ZBTB8A: variants seen among roughly 807,000 people sequenced by gnomAD.
ZBTB8A encodes zinc finger and BTB domain containing 8A, also known as zinc finger and BTB domain-containing protein 8A.
A neutral mutation model predicts 37.8 loss-of-function variants in ZBTB8A; 19 were observed. That is an observed-to-expected ratio of 0.50 (90% CI 0.35 to 0.74). The LOEUF (loss-of-function observed/expected upper bound fraction) is 0.74, where lower values mean the gene tolerates loss of function less well. ZBTB8A is among the 30% of genes least tolerant of loss of function. The pLI is 0.01. For missense variants in ZBTB8A, 394 were observed against 537.8 expected, an observed-to-expected ratio of 0.73 and a Z score of 2.65; for synonymous variants, 181 against 185.2, an observed-to-expected ratio of 0.98 and a Z score of 0.19.
chr1:32,595,850 G>A (rs1037236829), intron 4 of ZBTB8A, among the ~76,000 whole-genome samples: 1 of 151,706 alleles, frequency 6.6e-6, no homozygotes, highest in African/African-American at 2.4e-5. Flanking sequence ...TAGAGATGGG[G>A]TTTCATCATG....
chr1:32,558,004 A>C (rs1395660397), intron 2 of ZBTB8A, among the ~76,000 whole-genome samples: 1 of 152,174 alleles, frequency 6.6e-6, no homozygotes, highest in African/African-American at 2.4e-5. Context: ...TGATGTTTAC[A>C]TATTTCATCA....
intron 2 of ZBTB8A, among the ~76,000 whole-genome samples, chr1:32,572,692 C>T (rs374239394): frequency 8.5e-5 from 13 of 152,124 alleles, no homozygotes; most frequent in South Asian, 6.2e-4. Context: ...CCACTATGCC[C>T]GGCCTCTTAT....
At chr1:32,581,298 A>T (rs370149920) in intron 2 of ZBTB8A, among the ~76,000 whole-genome samples, 1 of 115,500 alleles carries the variant, frequency 8.7e-6, no homozygotes, top group African/African-American at 3.3e-5. Flanking sequence ...ATATTTATAT[A>T]TTATATAATA....
intron 4 of ZBTB8A, among the ~76,000 whole-genome samples, chr1:32,597,120 T>C (rs1324014923): frequency 6.6e-6 from 1 of 151,990 alleles, no homozygotes; most frequent in African/African-American, 2.4e-5. Context: ...AATTCTCCTG[T>C]CTCAGCCTCC....
chr1:32,601,844 T>C lies in ZBTB8A; in HGVS notation c.*1425T>C, dbSNP rs1380924965. 3.5e-5 allele frequency: 14 copies of C among 395,888 alleles called. No individual in the cohort carries two copies. Among genetic ancestry groups the C allele is most frequent in the Non-Finnish European group, 3.6e-5 (8 of 225,096 alleles). 24.5% of individuals were successfully genotyped at this position (395,888 alleles called of 1,614,324 possible). On this transcript the variant is annotated 3_prime_UTR_variant, in exon 5 of 5. Coordinates refer to ENST00000373510, the MANE Select transcript of ZBTB8A (RefSeq NM_001040441.3). ...AACATACAATATCTTGATCTAGAGATTTTCAAATAATGCTAAGTAATGTCC... is the reference window on the plus strand; with the variant it reads ...AACATACAATATCTTGATCTAGAGACTTTCAAATAATGCTAAGTAATGTCC...
chr1:32,543,311 C>G (rs902348274), intron 1 of ZBTB8A, among the ~76,000 whole-genome samples: 8 of 152,108 alleles, frequency 5.3e-5, no homozygotes, highest in Non-Finnish European at 1.0e-4. Flanking sequence ...TCTCAAACTC[C>G]TGACCTCAGG....
At chr1:32,569,191 T>C (rs544450471) in intron 2 of ZBTB8A, among the ~76,000 whole-genome samples, 2 of 152,280 alleles carry the variant, frequency 1.3e-5, no homozygotes, top group South Asian at 4.1e-4. Flanking sequence ...GTGGTTTTAA[T>C]TGGCATTTCC....
At chr1:32,599,570 A>G (rs1461836131) in intron 4 of ZBTB8A, among the ~76,000 whole-genome samples, 1 of 152,072 alleles carries the variant, frequency 6.6e-6, no homozygotes, top group Non-Finnish European at 1.5e-5. Context: ...TACAAAAATT[A>G]GCTGGGCGTG....
chr1:32,573,626 G>A (rs1644339222), intron 2 of ZBTB8A, among the ~76,000 whole-genome samples: 1 of 147,860 alleles, frequency 6.8e-6, no homozygotes, highest in Non-Finnish European at 1.5e-5. Context: ...TAGAGACAGG[G>A]TTTCACTATG....
chr1:32,579,241 G>A (rs1644385256), intron 2 of ZBTB8A, among the ~76,000 whole-genome samples: 1 of 151,982 alleles, frequency 6.6e-6, no homozygotes, highest in African/African-American at 2.4e-5. Flanking sequence ...CTAAGGTTAG[G>A]AGTTCAAGAC....
chr1:32,539,956 C>T (rs1002700327), intron 1 of ZBTB8A, among the ~76,000 whole-genome samples: 5 of 150,844 alleles, frequency 3.3e-5, no homozygotes, highest in African/African-American at 9.7e-5. Context: ...GGGCGGCCGC[C>T]GCGGGGGCGC....
chr1:32,573,326 G>A (rs1354277650), intron 2 of ZBTB8A, among the ~76,000 whole-genome samples: 3 of 149,554 alleles, frequency 2.0e-5, no homozygotes, highest in East Asian at 2.0e-4. Context: ...TGCCCGCCTC[G>A]GCCTCCCAAA....
intron 4 of ZBTB8A, among the ~76,000 whole-genome samples, chr1:32,598,677 TGACA>T (rs1298386534): frequency 6.6e-6 from 1 of 152,208 alleles, no homozygotes; most frequent in African/African-American, 2.4e-5. Flanking sequence ...TCTACTGTTC[TGACA>T]GCTATTGAAC....
chr1:32,556,856 A>G (rs1644206940), intron 2 of ZBTB8A, among the ~76,000 whole-genome samples: 1 of 151,900 alleles, frequency 6.6e-6, no homozygotes, highest in Non-Finnish European at 1.5e-5. Context: ...CAGTCTGGGG[A>G]CAGAGCAAGA....
intron 2 of ZBTB8A, among the ~76,000 whole-genome samples, chr1:32,554,636 G>A (rs1644186043): frequency 6.6e-6 from 1 of 151,864 alleles, no homozygotes; most frequent in Non-Finnish European, 1.5e-5. Context: ...CTGCCACCAA[G>A]CCTGGCTAAT....
At chr1:32,557,381 G>A (rs979902799) in intron 2 of ZBTB8A, among the ~76,000 whole-genome samples, 1 of 152,100 alleles carries the variant, frequency 6.6e-6, no homozygotes, top group Non-Finnish European at 1.5e-5. Flanking sequence ...TTTTGCCTTG[G>A]ATTCTAGGGC....
At chr1:32,541,971 T>C (rs902013278) in intron 1 of ZBTB8A, among the ~76,000 whole-genome samples, 96 of 152,318 alleles carry the variant, frequency 6.3e-4, no homozygotes, top group African/African-American at 2.2e-3. Flanking sequence ...TTTTTTGACT[T>C]TACAGTGCGT....
In ZBTB8A at chr1:32,595,071, C is replaced by T. The variant is rs776597886; in HGVS notation, c.841C>T (p.Arg281Ter). 3.1e-6 allele frequency: 5 copies of T among 1,613,468 alleles called. No individual in the cohort carries two copies. The highest frequency in any genetic ancestry group is 3.4e-6 in the Non-Finnish European group (4 of 1,179,810). ...KSFPDDLPRM[R>*]FKCPYCTHVV... ...CTTGACAGATGATCTGCCTCGGATG[C>T]GATTCAAGTGCCCGTACTGCACACA... Residue 281 changes from arginine to a stop codon, truncating the protein, a stop_gained, in exon 4 of 5, where the codon CGA becomes TGA. Transcript: ENST00000373510. LOFTEE classifies it high-confidence loss of function.
At position 32,593,285 on chromosome 1, in the gene ZBTB8A, T is replaced by A; in HGVS notation, c.354T>A (p.Ile118=). ...TCATAAGTGTATGTAAGACTTTTATTAAATCTTCCTTAGACATTAGTGAGA... is the reference window on the plus strand; with the variant it reads ...TCATAAGTGTATGTAAGACTTTTATAAAATCTTCCTTAGACATTAGTGAGA... ...TDVISVCKTF[I]KSSLDISEKE... Residue 118 remains isoleucine, a synonymous_variant, in exon 3 of 5, where the codon ATT becomes ATA. Transcript: ENST00000373510. 6.2e-7 allele frequency: 1 copy of A among 1,614,164 alleles called. No homozygotes were observed. The highest frequency in any genetic ancestry group is 8.5e-7 in the Non-Finnish European group (1 of 1,180,042).
Sources: allele counts gnomAD v4.1 joint callset (sites outside exome capture counted in the v4.1 genomes callset), GRCh38; gene constraint gnomAD v4.1.1; transcripts MANE v1.5; gene names NCBI Gene and HGNC (gene_info 2026-07-23, HGNC 2026-07-21).